The following SLC6A11 variants were observed in gnomAD, a reference collection of about 807,000 sequenced individuals.
SLC6A11 encodes the protein sodium- and chloride-dependent GABA transporter 3.
A neutral mutation model predicts 74.8 loss-of-function variants in SLC6A11; 25 were observed. The ratio of observed to expected loss-of-function variants is 0.33; its 90% CI spans 0.24 to 0.47. The LOEUF is 0.47. Ranked by LOEUF, SLC6A11 falls within the 20% of genes least tolerant of loss-of-function variation. The pLI is 1.00. For synonymous variants in SLC6A11, 330 were observed against 330.2 expected, an observed-to-expected ratio of 1.00 and a Z score of 0.01; for missense variants, 574 against 837.0, an observed-to-expected ratio of 0.69 and a Z score of 3.88.
chr3:10,879,062 G>C (rs1242155287), intron 6 of SLC6A11, among the ~76,000 whole-genome samples: 1 of 152,172 alleles, frequency 6.6e-6, no homozygotes, highest in Non-Finnish European at 1.5e-5. Context: ...TGAGCTCAAT[G>C]CCTGGTACAC....
At chr3:10,865,225 G>A (rs1330353859) in intron 5 of SLC6A11, among the ~76,000 whole-genome samples, 1 of 152,214 alleles carries the variant, frequency 6.6e-6, no homozygotes, top group African/African-American at 2.4e-5. Context: ...TTTGAAATAG[G>A]CATTATCCTC....
At chr3:10,928,644 A>G (rs901453758) in intron 9 of SLC6A11, among the ~76,000 whole-genome samples, 2 of 152,086 alleles carry the variant, frequency 1.3e-5, no homozygotes, top group Non-Finnish European at 2.9e-5. Flanking sequence ...AGAGACAAAG[A>G]GCTGGAAGTT....
intron 6 of SLC6A11, among the ~76,000 whole-genome samples, chr3:10,882,051 A>T (rs1409200724): frequency 6.6e-6 from 1 of 152,160 alleles, no homozygotes; most frequent in Non-Finnish European, 1.5e-5. Flanking sequence ...GGGATTCTGC[A>T]TGAAGGCTGA....
At chr3:10,892,328 G>T (rs1656909757) in intron 6 of SLC6A11, among the ~76,000 whole-genome samples, 1 of 152,192 alleles carries the variant, frequency 6.6e-6, no homozygotes. Flanking sequence ...CTTGCTTAGG[G>T]TCTCAGTGAC....
intron 12 of SLC6A11, 56 bp downstream of exon 12, chr3:10,934,222 A>C: frequency 1.6e-6 from 2 of 1,234,820 alleles, no homozygotes; most frequent in Non-Finnish European, 2.4e-6. Context: ...CTACCCTCCA[A>C]CCCACGTTTC....
intron 4 of SLC6A11, 95 bp from the exon 5 acceptor site, chr3:10,844,119 G>A: frequency 6.8e-7 from 1 of 1,477,424 alleles, no homozygotes; most frequent in Non-Finnish European, 9.3e-7. Flanking sequence ...GTGGGTGAAT[G>A]AGCACATGGG....
intron 2 of SLC6A11, 41 bp from the exon 3 acceptor site, chr3:10,819,671 A>G (rs773354176): frequency 6.2e-7 from 1 of 1,611,138 alleles, no homozygotes; most frequent in African/African-American, 1.3e-5. Flanking sequence ...ATTGTTTTGA[A>G]AAGATAGACT....
At chr3:10,832,099 T>C (rs780556554) in intron 4 of SLC6A11, among the ~76,000 whole-genome samples, 49 of 152,246 alleles carry the variant, frequency 3.2e-4, no homozygotes, top group African/African-American at 6.0e-4. Context: ...ATGCCTGTAA[T>C]GTAGGCAGAA....
chr3:10,907,964 A>G (rs1217218012), intron 6 of SLC6A11, among the ~76,000 whole-genome samples: 1 of 152,184 alleles, frequency 6.6e-6, no homozygotes, highest in Non-Finnish European at 1.5e-5. Flanking sequence ...TCAAATTCAC[A>G]TTAAGTAATG....
intron 1 of SLC6A11, among the ~76,000 whole-genome samples, chr3:10,818,193 AT>A (rs1341924325): frequency 6.7e-6 from 1 of 149,886 alleles, no homozygotes; most frequent in African/African-American, 2.5e-5. Context: ...GGTAGAGTTT[AT>A]TGTCCTAAGG....
At chr3:10,895,873 G>A (rs896356855) in intron 6 of SLC6A11, among the ~76,000 whole-genome samples, 2 of 151,836 alleles carry the variant, frequency 1.3e-5, no homozygotes, top group African/African-American at 2.4e-5. Context: ...AAACCGCCAC[G>A]GCACACATTT....
At chr3:10,865,803 G>A (rs144747601) in intron 5 of SLC6A11, among the ~76,000 whole-genome samples, 6 of 152,318 alleles carry the variant, frequency 3.9e-5, no homozygotes, top group South Asian at 2.1e-4. Context: ...GACTACAGGT[G>A]TAGAAGGATG....
intron 4 of SLC6A11, among the ~76,000 whole-genome samples, chr3:10,834,351 T>G (rs750173): frequency 0.22 from 30,703 of 140,828 alleles, 3,301 homozygotes; most frequent in South Asian, 0.38. Flanking sequence ...TTTTTTTTTT[T>G]GTTTTTTTTT....
chr3:10,873,788 C>T (rs1396198530), intron 5 of SLC6A11, among the ~76,000 whole-genome samples: 1 of 151,802 alleles, frequency 6.6e-6, no homozygotes, highest in Non-Finnish European at 1.5e-5. Context: ...CTGTCCTATC[C>T]TATCCTATCC....
chr3:10,887,276 T>C (rs1695055534), intron 6 of SLC6A11, among the ~76,000 whole-genome samples: 1 of 147,220 alleles, frequency 6.8e-6, no homozygotes, highest in Non-Finnish European at 1.5e-5. Context: ...GGTTAATGAA[T>C]GGATGATGGA....
intron 5 of SLC6A11, among the ~76,000 whole-genome samples, chr3:10,871,682 C>T (rs1417950161): frequency 6.6e-6 from 1 of 152,130 alleles, no homozygotes; most frequent in Non-Finnish European, 1.5e-5. Context: ...ACCATCAAGC[C>T]TTATTGATTA....
chr3:10,918,386 C>T lies in SLC6A11; in HGVS notation c.1053C>T (p.Ala351=). ...GCACCAGCTTCGTGGCTGGGTTTGC[C>T]ATCTTCTCAGTCCTGGGTTTTATGG... ...NSGTSFVAGF[A]IFSVLGFMAY... is the part of the protein sequence containing the mutation. Residue 351 remains alanine, a synonymous_variant, in exon 8 of 14, where the codon GCC becomes GCT. Coordinates refer to ENST00000254488, the MANE Select transcript of SLC6A11 (RefSeq NM_014229.3). This position sits in a 1 kb window ranked among gnomAD's most constrained non-coding sequence, Gnocchi z 4.5. 1.2e-6 allele frequency: 2 copies of T among 1,609,362 alleles called. No homozygotes were observed. Among genetic ancestry groups the T allele is most frequent in the Non-Finnish European group, 8.5e-7 (1 of 1,178,200 alleles).
intron 5 of SLC6A11, among the ~76,000 whole-genome samples, chr3:10,856,169 A>G (rs538506558): frequency 6.6e-6 from 1 of 152,176 alleles, no homozygotes; most frequent in Non-Finnish European, 1.5e-5. Flanking sequence ...CAGAGGGAAA[A>G]CTTCTCTTGG....
chr3:10,894,020 C>T (rs1176573643), intron 6 of SLC6A11, among the ~76,000 whole-genome samples: 1 of 152,164 alleles, frequency 6.6e-6, no homozygotes, highest in Non-Finnish European at 1.5e-5. Flanking sequence ...GGCTTTGCCC[C>T]GAAGCCAAGG....
Sources: gnomAD v4.1 joint callset for allele counts (sites outside exome capture counted in the v4.1 genomes callset) on GRCh38, gnomAD v4.1.1 for gene constraint, Gnocchi (gnomAD v3.1) non-coding constraint, MANE v1.5 for transcripts, NCBI Gene and HGNC (gene_info 2026-07-23, HGNC 2026-07-21) for gene names.